NEK11: variants seen among roughly 807,000 people sequenced by gnomAD.
NEK11 encodes serine/threonine-protein kinase Nek11.
A neutral mutation model predicts 80.7 loss-of-function variants in NEK11; 72 were observed. The ratio of observed to expected loss-of-function variants is 0.89; its 90% CI spans 0.74 to 1.08. The LOEUF is 1.08. Among genes scored for constraint, NEK11 ranks in the 50% least tolerant of loss-of-function variants. The pLI is 0.00. For synonymous variants in NEK11, 251 were observed against 260.7 expected (o/e 0.96, Z 0.36); for missense variants, 764 against 763.6 (o/e 1.00, Z -0.01).
intron 3 of NEK11, among the ~76,000 whole-genome samples, chr3:131,035,801 C>T (rs773161753): frequency 2.6e-5 from 4 of 152,094 alleles, no homozygotes; most frequent in African/African-American, 7.2e-5. Flanking sequence ...GGCAATTACT[C>T]GCTTAAACCA....
intron 17 of NEK11, among the ~76,000 whole-genome samples, chr3:131,311,598 A>G (rs1370373744): frequency 6.6e-6 from 1 of 152,230 alleles, no homozygotes; most frequent in African/African-American, 2.4e-5. Context: ...AGCAAATAGA[A>G]GCACCTTGTT....
chr3:131,133,016 GT>G (rs1200593068), intron 6 of NEK11, among the ~76,000 whole-genome samples: 2 of 151,948 alleles, frequency 1.3e-5, no homozygotes, highest in African/African-American at 2.4e-5. Context: ...TAATTGTTTT[GT>G]TTCTGAGTAT....
At chr3:131,139,750 C>A (rs954362179) in intron 7 of NEK11, among the ~76,000 whole-genome samples, 1 of 152,216 alleles carries the variant, frequency 6.6e-6, no homozygotes, top group African/African-American at 2.4e-5. Flanking sequence ...AATCTTATCA[C>A]CACACTTCAT....
At chr3:131,247,181 G>T (rs1045407488) in intron 16 of NEK11, among the ~76,000 whole-genome samples, 1 of 152,030 alleles carries the variant, frequency 6.6e-6, no homozygotes, top group Admixed American at 6.6e-5. Context: ...TCTTGGTAAT[G>T]AAGTATTTGG....
chr3:131,136,959 G>A (rs1227591351), intron 7 of NEK11, among the ~76,000 whole-genome samples: 1 of 152,300 alleles, frequency 6.6e-6, no homozygotes, highest in Middle Eastern at 3.4e-3. Context: ...TAGACAGAAA[G>A]AAAACAATAT....
chr3:131,124,621 C>T (rs1410234312), intron 5 of NEK11, among the ~76,000 whole-genome samples: 1 of 152,072 alleles, frequency 6.6e-6, no homozygotes, highest in African/African-American at 2.4e-5. Context: ...TTTCACAGTT[C>T]CTGCCACACC....
chr3:131,049,750 A>C (rs2068036071), intron 3 of NEK11, among the ~76,000 whole-genome samples: 1 of 152,278 alleles, frequency 6.6e-6, no homozygotes, highest in Admixed American at 6.5e-5. Context: ...ATAATATATG[A>C]TCCTCCAAAT....
chr3:131,162,869 C>T (rs1349970873), intron 11 of NEK11, among the ~76,000 whole-genome samples: 1 of 152,142 alleles, frequency 6.6e-6, no homozygotes, highest in Non-Finnish European at 1.5e-5. Flanking sequence ...CACCCGGATT[C>T]CCTAGGTGCT....
intron 7 of NEK11, among the ~76,000 whole-genome samples, chr3:131,150,894 GT>G (rs2089516946): frequency 6.6e-6 from 1 of 151,816 alleles, no homozygotes; most frequent in African/African-American, 2.4e-5. Flanking sequence ...TGAAATCTCT[GT>G]TTTTGCTTGG....
intron 16 of NEK11, among the ~76,000 whole-genome samples, chr3:131,272,310 G>T (rs1454806200): frequency 6.6e-6 from 1 of 151,960 alleles, no homozygotes. Flanking sequence ...GTTTTTTACT[G>T]ATGGGATGTG....
At chr3:131,067,410 C>A (rs2072241404) in intron 3 of NEK11, among the ~76,000 whole-genome samples, 1 of 152,124 alleles carries the variant, frequency 6.6e-6, no homozygotes, top group African/African-American at 2.4e-5. Context: ...TCAATAGAAC[C>A]ACTGATGTTC....
chr3:131,080,424 A>G lies in NEK11; in HGVS notation c.172A>G (p.Lys58Glu). The G allele has an allele frequency of 6.3e-7, 1 of 1,587,632 alleles. No homozygotes were observed. The highest frequency in any genetic ancestry group is 8.5e-7 in the Non-Finnish European group (1 of 1,172,782). Residue 58 changes from lysine (K) to glutamate (E), a missense_variant and splice_region_variant, in exon 4 of 18, where the codon AAG (lysine) becomes GAG (glutamate). Lys to Glu is a moderately conservative substitution (Grantham distance 56, BLOSUM62 1). Coordinates refer to ENST00000383366, the MANE Select transcript of NEK11 (RefSeq NM_024800.5). Reference protein sequence around the residue: ...DKKAKRGEELKVLKEISVGEL... With the variant: ...DKKAKRGEELEVLKEISVGEL... ...TTTTAAAATTTTTTTTGATCTCAGA[A>G]AGGTACTTAAGGAAATATCTGTTGG... is the stretch of plus-strand genomic sequence containing the variant.
intron 5 of NEK11, among the ~76,000 whole-genome samples, chr3:131,121,374 G>A (rs1337414457): frequency 3.3e-5 from 5 of 152,224 alleles, no homozygotes; most frequent in Non-Finnish European, 7.3e-5. Flanking sequence ...GCACCTGGCT[G>A]TAGGAGGTGT....
intron 17 of NEK11, among the ~76,000 whole-genome samples, chr3:131,283,516 CTGTGTGTGTGTGTG>C (rs4044351): frequency 9.5e-5 from 14 of 147,358 alleles, no homozygotes; most frequent in South Asian, 2.2e-4. Flanking sequence ...CAGGCTATTA[CTGTGTGTGTGTGTG>C]TGTGTGTGTG....
chr3:131,301,299 A>G (rs1391595295), intron 17 of NEK11, among the ~76,000 whole-genome samples: 2 of 152,178 alleles, frequency 1.3e-5, no homozygotes, highest in Non-Finnish European at 2.9e-5. Flanking sequence ...GGGGTTTTCT[A>G]GATATAGACT....
intron 16 of NEK11, among the ~76,000 whole-genome samples, chr3:131,244,706 G>A (rs892181489): frequency 2.6e-5 from 4 of 152,046 alleles, no homozygotes; most frequent in East Asian, 1.9e-4. Flanking sequence ...AGGATCACTC[G>A]AGGTCAGGAG....
chr3:131,242,377 G>A (rs1229546087), intron 15 of NEK11, among the ~76,000 whole-genome samples: 1 of 152,120 alleles, frequency 6.6e-6, no homozygotes, highest in Non-Finnish European at 1.5e-5. Context: ...TGGCTGAGAT[G>A]ACTGAAGGCT....
At position 131,074,358 on chromosome 3, in the gene NEK11, G is replaced by T. The variant is rs145523579; in HGVS notation, c.171-6065G>T. 3.3e-3 allele frequency among the ~76,000 whole-genome samples: 505 copies of T among 152,210 alleles called. 1 individual carries two copies. The highest frequency in any genetic ancestry group is 0.012 in the African/African-American group (480 of 41,520). Reference sequence around the variant, plus strand: ...GGAAGAAAGAAAACAAGGAGGGAAGGAGAGGTTTATGAACCTGACAGTTTT... The same window carrying T: ...GGAAGAAAGAAAACAAGGAGGGAAGTAGAGGTTTATGAACCTGACAGTTTT... On this transcript the variant is annotated intron_variant, in intron 3 of 17. Transcript: ENST00000383366.
intron 2 of NEK11, among the ~76,000 whole-genome samples, chr3:131,029,311 G>T (rs1223049550): frequency 1.3e-5 from 2 of 152,162 alleles, no homozygotes; most frequent in Admixed American, 6.5e-5. Flanking sequence ...TAGTTGGGGA[G>T]TATAAATCTT....
Sources: allele counts gnomAD v4.1 joint callset (sites outside exome capture counted in the v4.1 genomes callset), GRCh38; gene constraint gnomAD v4.1.1; transcripts MANE v1.5; gene names NCBI Gene and HGNC (gene_info 2026-07-23, HGNC 2026-07-21).